Variants in GTF2F2 observed in about 807,000 individuals in gnomAD.
GTF2F2 encodes general transcription factor IIF subunit 2.
GTF2F2 carries 23 observed loss-of-function variants against 42.2 expected under a neutral mutation model. The ratio of observed to expected loss-of-function variants is 0.55; its 90% CI spans 0.39 to 0.77. GTF2F2 has a LOEUF of 0.77. GTF2F2 is among the 30% of genes least tolerant of loss of function. GTF2F2 has a pLI of 0.00. For missense variants in GTF2F2, 261 were observed against 287.2 expected, an observed-to-expected ratio of 0.91 and a Z score of 0.66; for synonymous variants, 105 against 100.8, an observed-to-expected ratio of 1.04 and a Z score of -0.25.
At chr13:45,156,440 C>T (rs1870759274) in intron 4 of GTF2F2, among the ~76,000 whole-genome samples, 1 of 152,156 alleles carries the variant, frequency 6.6e-6, no homozygotes, top group Non-Finnish European at 1.5e-5. Flanking sequence ...ACCTGTCATC[C>T]TCTGTCATAG....
intron 7 of GTF2F2, among the ~76,000 whole-genome samples, chr13:45,269,416 C>G (rs1247543256): frequency 2.0e-5 from 3 of 152,276 alleles, no homozygotes; most frequent in East Asian, 1.9e-4. Flanking sequence ...AGGTAGTTAC[C>G]TCCTCCTAGA....
At chr13:45,161,117 A>G (rs529934971) in intron 4 of GTF2F2, among the ~76,000 whole-genome samples, 4 of 152,302 alleles carry the variant, frequency 2.6e-5, no homozygotes, top group Non-Finnish European at 5.9e-5. Flanking sequence ...AAAAATTGCA[A>G]GTGCTAGGTG....
intron 4 of GTF2F2, among the ~76,000 whole-genome samples, chr13:45,177,956 G>T (rs1871964954): frequency 6.6e-6 from 1 of 152,066 alleles, no homozygotes; most frequent in South Asian, 2.1e-4. Context: ...TTTCCTGTGA[G>T]TATATACAAA....
intron 5 of GTF2F2, among the ~76,000 whole-genome samples, chr13:45,246,098 T>G (rs913087877): frequency 1.3e-5 from 2 of 151,206 alleles, no homozygotes; most frequent in Admixed American, 1.3e-4. Flanking sequence ...AAGCTCCGCC[T>G]GCCGGGTTCA....
At chr13:45,227,551 T>A (rs1178260277) in intron 5 of GTF2F2, among the ~76,000 whole-genome samples, 1 of 152,196 alleles carries the variant, frequency 6.6e-6, no homozygotes. Context: ...AAAAAACAAA[T>A]ATCGCAAAAC....
At chr13:45,181,572 A>G (rs1255820651) in intron 4 of GTF2F2, among the ~76,000 whole-genome samples, 3 of 152,208 alleles carry the variant, frequency 2.0e-5, no homozygotes, top group Non-Finnish European at 4.4e-5. Context: ...GCTGTATAAT[A>G]CAAAAACAAT....
At chr13:45,282,029 T>A (rs1877288077) in intron 7 of GTF2F2, among the ~76,000 whole-genome samples, 1 of 151,950 alleles carries the variant, frequency 6.6e-6, no homozygotes, top group South Asian at 2.1e-4. Flanking sequence ...TGAAACCCCA[T>A]CTCTACTAAA....
intron 5 of GTF2F2, among the ~76,000 whole-genome samples, chr13:45,211,956 A>AAC (rs549220980): frequency 9.2e-5 from 14 of 151,394 alleles, no homozygotes; most frequent in South Asian, 4.2e-4. Context: ...AACCTGAAGA[A>AAC]ACACACACAC....
chr13:45,238,804 T>C (rs1029836197), intron 5 of GTF2F2, among the ~76,000 whole-genome samples: 2 of 150,884 alleles, frequency 1.3e-5, no homozygotes, highest in African/African-American at 4.9e-5. Context: ...ATTAGCCGGG[T>C]GTGGTGGCGC....
intron 4 of GTF2F2, among the ~76,000 whole-genome samples, chr13:45,167,788 C>A (rs187999246): frequency 6.6e-6 from 1 of 152,068 alleles, no homozygotes; most frequent in African/African-American, 2.4e-5. Context: ...GTGATCCTCC[C>A]ACCTCAGGCC....
At chr13:45,154,310 T>A (rs1355022992) in intron 4 of GTF2F2, among the ~76,000 whole-genome samples, 1 of 152,230 alleles carries the variant, frequency 6.6e-6, no homozygotes, top group African/African-American at 2.4e-5. Context: ...TAACATTTGT[T>A]AGCCTCAAAA....
At position 45,212,446 on chromosome 13, in the gene GTF2F2, T is replaced by TTCTTTCTTTTCTTTTC. The variant is rs1566137016; in HGVS notation, c.386+4941_386+4942insTCTTTCTTTTCTTTTC. Among the ~76,000 whole-genome samples, 22 of 36,198 alleles carry TTCTTTCTTTTCTTTTC rather than the reference T, an allele frequency of 6.1e-4. No homozygotes were observed. The East Asian group carries it at 0.014, about 22-fold the overall frequency. 23.7% of individuals were successfully genotyped at this position (36,198 alleles called of 152,430 possible). On this transcript the variant is annotated intron_variant, in intron 5 of 7. Transcript: ENST00000340473. ...TTGATTTCTTTCTTTCTTTCTTTCT[T>TTCTTTCTTTTCTTTTC]GTTTCTTTCTTTCTTTCTTTCTTTC...
At chr13:45,236,511 A>G (rs1202898128) in intron 5 of GTF2F2, among the ~76,000 whole-genome samples, 1 of 151,732 alleles carries the variant, frequency 6.6e-6, no homozygotes, top group African/African-American at 2.4e-5. Flanking sequence ...ACACACACAC[A>G]CACACACACA....
intron 5 of GTF2F2, among the ~76,000 whole-genome samples, chr13:45,246,840 A>G (rs1593516442): frequency 6.7e-6 from 1 of 149,740 alleles, no homozygotes. Context: ...GCTCTAGACC[A>G]TCCTGGCTAA....
intron 5 of GTF2F2, among the ~76,000 whole-genome samples, chr13:45,243,339 C>G (rs1481197243): frequency 6.6e-6 from 1 of 152,204 alleles, no homozygotes; most frequent in African/African-American, 2.4e-5. Context: ...CCTGTCTGAT[C>G]AGCAGTGGCA....
At chr13:45,241,594 A>T (rs1415461677) in intron 5 of GTF2F2, among the ~76,000 whole-genome samples, 1 of 152,124 alleles carries the variant, frequency 6.6e-6, no homozygotes, top group Non-Finnish European at 1.5e-5. Flanking sequence ...AGTGGCTACC[A>T]TATTGGACAG....
chr13:45,231,084 C>CTATTTATT (rs1187637075), intron 5 of GTF2F2, among the ~76,000 whole-genome samples: 2 of 151,260 alleles, frequency 1.3e-5, no homozygotes, highest in Non-Finnish European at 2.9e-5. Flanking sequence ...TCTTATTCTT[C>CTATTTATT]TATTTATTTA....
chr13:45,219,745 T>A (rs891561358), intron 5 of GTF2F2: 1 of 152,210 alleles, frequency 6.6e-6, no homozygotes, highest in African/African-American at 2.4e-5. Context: ...GATCTGCTAA[T>A]CTATAATGTA....
Position 45,120,694 on chromosome 13 carries a change from A to G in GTF2F2, c.39A>G (p.Lys13=), listed in dbSNP as rs1868578752. Residue 13 remains lysine, a synonymous_variant, in exon 1 of 8, where the codon AAA becomes AAG. Transcript: ENST00000340473. ...GGGAACTCGACTTGACCGGCGCCAA[A>G]CAGAACACAGGAGTGTGGCTAGTCA... The part of the protein sequence containing the change: ...ERGELDLTGA[K]QNTGVWLVKV... 6.4e-7 allele frequency: 1 copy of G among 1,561,760 alleles called. No individual in the cohort carries two copies. Among genetic ancestry groups the G allele is most frequent in the Non-Finnish European group, 8.7e-7 (1 of 1,151,892 alleles).
Sources: gnomAD v4.1 joint callset for allele counts (sites outside exome capture counted in the v4.1 genomes callset) on GRCh38, gnomAD v4.1.1 for gene constraint, MANE v1.5 for transcripts, NCBI Gene and HGNC (gene_info 2026-07-23, HGNC 2026-07-21) for gene names.